Variants in MCF2L observed in about 807,000 individuals in gnomAD.
The protein encoded by MCF2L is MCF.2 cell line derived transforming sequence like.
In MCF2L, 97 loss-of-function variants were observed where a neutral mutation model predicts 153.4. The ratio of observed to expected loss-of-function variants is 0.63; its 90% CI spans 0.54 to 0.75. The LOEUF is 0.75. MCF2L is among the 30% of genes least tolerant of loss of function. The pLI is 0.00. For synonymous variants in MCF2L, 659 were observed against 632.2 expected (o/e 1.04, Z -0.64); for missense variants, 1,347 against 1,495.2 (o/e 0.90, Z 1.64).
At chr13:112,995,249 ATGGGGATG>A (rs1394852248) in intron 1 of MCF2L, among the ~76,000 whole-genome samples, 1 of 152,204 alleles carries the variant, frequency 6.6e-6, no homozygotes, top group East Asian at 1.9e-4. Context: ...AGCCAGCAGA[ATGGGGATG>A]TAGACCGGGG....
chr13:112,935,255 A>G (rs1292203749), intron 2 of MCF2L, among the ~76,000 whole-genome samples: 7 of 152,120 alleles, frequency 4.6e-5, no homozygotes, highest in Non-Finnish European at 5.9e-5. Context: ...ATTACATGAG[A>G]TATTCCATAC....
chr13:113,038,021 T>C (rs963700942), intron 3 of MCF2L, among the ~76,000 whole-genome samples: 6 of 152,330 alleles, frequency 3.9e-5, no homozygotes, highest in African/African-American at 1.4e-4. Flanking sequence ...TGTATTTTAG[T>C]ATTTTTATAT....
At chr13:112,897,061 A>C (rs2081074631) in intron 1 of MCF2L, among the ~76,000 whole-genome samples, 1 of 152,074 alleles carries the variant, frequency 6.6e-6, no homozygotes, top group Non-Finnish European at 1.5e-5. Flanking sequence ...CGGGTGGCAG[A>C]GTCTTTAGTG....
chr13:113,065,045 C>T lies in MCF2L; in HGVS notation c.716C>T (p.Ser239Leu). 1.9e-6 allele frequency: 3 copies of T among 1,611,246 alleles called. No homozygotes were observed. Among genetic ancestry groups the T allele is most frequent in the Non-Finnish European group, 2.5e-6 (3 of 1,179,844 alleles). Residue 239 changes from serine (S) to leucine (L), a missense_variant, in exon 7 of 30, where the codon TCA (serine) becomes TTA (leucine). By Grantham distance (145) the Ser-to-Leu change is moderately radical. Coordinates refer to ENST00000535094, the MANE Select transcript of MCF2L (RefSeq NM_001112732.3). ...CCCAATGACGTCCAGTCGACAAGCTCAGTGCTGTGTGCGCACACAGAGAAG... is the reference window on the plus strand; with the variant it reads ...CCCAATGACGTCCAGTCGACAAGCTTAGTGCTGTGTGCGCACACAGAGAAG... ...ELPNDVQSTS[S>L]VLCAHTEKKD...
chr13:112,935,554 A>AC (rs2081506636), intron 2 of MCF2L, among the ~76,000 whole-genome samples: 1 of 151,882 alleles, frequency 6.6e-6, no homozygotes, highest in South Asian at 2.1e-4. Context: ...ACCACACCCG[A>AC]CCCCATACTT....
intron 2 of MCF2L, among the ~76,000 whole-genome samples, chr13:112,911,160 G>A (rs2081227664): frequency 1.3e-5 from 2 of 152,212 alleles, no homozygotes; most frequent in South Asian, 4.1e-4. Context: ...CGAATGCCAA[G>A]GCCCCCTCAG....
At position 113,064,863 on chromosome 13, in the gene MCF2L, G is replaced by C. The variant is rs2032114817; in HGVS notation, c.607-73G>C. 6.5e-7 allele frequency: 1 copy of C among 1,532,896 alleles called. No homozygotes were observed. The highest frequency in any genetic ancestry group is 8.9e-7 in the Non-Finnish European group (1 of 1,129,760). 95.0% of individuals were successfully genotyped at this position (1,532,896 alleles called of 1,614,324 possible). Reference sequence around the variant, plus strand: ...GTCTGTGTGGGAACGGTTTCCGCCGGTGTCTGCTTTCAGGGCAGCAGGAGG... The same window carrying C: ...GTCTGTGTGGGAACGGTTTCCGCCGCTGTCTGCTTTCAGGGCAGCAGGAGG... On this transcript the variant is annotated intron_variant, in intron 6 of 29. Transcript: ENST00000535094. The surrounding 1 kb of genome is among the most constrained non-coding windows in gnomAD (Gnocchi z 6.0).
chr13:113,049,743 C>T (rs541594499), intron 4 of MCF2L, among the ~76,000 whole-genome samples: 9 of 152,320 alleles, frequency 5.9e-5, no homozygotes, highest in African/African-American at 2.2e-4. Flanking sequence ...TGCCTCCAAG[C>T]GCTCGGCCAC....
rs761962831 is a variant in MCF2L at position 113,044,617 on chromosome 13, C to T, written c.279-654C>T. On this transcript the variant is annotated intron_variant, in intron 3 of 29. Transcript: ENST00000535094. Reference sequence around the variant, plus strand: ...TTGGCTTGGCTGCAGAGTGAGCCCACGGAAGAGGGCTCTCCGCACCGACTC... The same window carrying T: ...TTGGCTTGGCTGCAGAGTGAGCCCATGGAAGAGGGCTCTCCGCACCGACTC... 8.2e-6 allele frequency: 13 copies of T among 1,582,094 alleles called. No individual in the cohort carries two copies. In the African/African-American group the frequency reaches 9.4e-5, roughly 11 times the overall value.
At chr13:112,926,505 T>G (rs1236966301) in intron 2 of MCF2L, among the ~76,000 whole-genome samples, 1 of 152,060 alleles carries the variant, frequency 6.6e-6, no homozygotes, top group Non-Finnish European at 1.5e-5. Context: ...CTGGTCTACA[T>G]GCACAGCGGA....
chr13:113,087,707 A>T lies in MCF2L; in HGVS notation c.2596A>T (p.Met866Leu). 1 of 1,613,660 alleles carries T rather than the reference A, an allele frequency of 6.2e-7. No individual in the cohort carries two copies. Among genetic ancestry groups the T allele is most frequent in the Non-Finnish European group, 8.5e-7 (1 of 1,179,716 alleles). Residue 866 changes from methionine to leucine, a missense_variant and splice_region_variant, in exon 23 of 30, where the codon ATG becomes TTG. Coordinates refer to ENST00000535094, the MANE Select transcript of MCF2L (RefSeq NM_001112732.3). ...CCCCATCTCCACTCTCTGCTCGCAG[A>T]TGGCTGCCGTTGGCATTACGGAGAA... ...PSYSYKQSLNMAAVGITENVK... is the reference protein window; with the variant it reads ...PSYSYKQSLNLAAVGITENVK...
chr13:112,902,835 G>C (rs891576705), intron 2 of MCF2L, among the ~76,000 whole-genome samples: 1 of 152,202 alleles, frequency 6.6e-6, no homozygotes, highest in Non-Finnish European at 1.5e-5. Context: ...CTGCCTGGGC[G>C]TCTGGAATTG....
intron 1 of MCF2L, among the ~76,000 whole-genome samples, chr13:112,974,251 G>T (rs975389620): frequency 1.3e-5 from 2 of 152,126 alleles, no homozygotes; most frequent in African/African-American, 2.4e-5. Context: ...CACCAGTTCC[G>T]CAAAGGCACC....
upstream of MCF2L, among the ~76,000 whole-genome samples, chr13:112,968,142 T>TGGCG (rs1555355445): frequency 3.4e-5 from 2 of 59,450 alleles, 1 homozygote; most frequent in Non-Finnish European, 7.4e-5. Context: ...GGGAGTGAGG[T>TGGCG]GGGGGGGGGG....
intron 15 of MCF2L, among the ~76,000 whole-genome samples, chr13:113,079,796 T>A (rs1594960887): frequency 6.8e-6 from 1 of 147,802 alleles, no homozygotes; most frequent in Non-Finnish European, 1.5e-5. Context: ...CGGAGGAGGG[T>A]CCAGGCAGAG....
At position 113,070,238 on chromosome 13, in the gene MCF2L, C is replaced by T; in HGVS notation, c.996+65C>T. The T allele has an allele frequency of 8.7e-7, 1 of 1,153,032 alleles. No homozygotes were observed. Among genetic ancestry groups the T allele is most frequent in the African/African-American group, 1.6e-5 (1 of 62,466 alleles). The allele number at this position is 1,153,032 out of a possible 1,614,324, so 71.4% of individuals were successfully genotyped here. A position where few individuals can be genotyped will look rare whatever the true frequency, so the allele number is the denominator to read the frequency against. Reference sequence around the variant, plus strand: ...TCACGGGGCCTCCTGTGCCTGCGCCCTGGTCCCAGTGCCGGGAGCTGAGCC... The same window carrying T: ...TCACGGGGCCTCCTGTGCCTGCGCCTTGGTCCCAGTGCCGGGAGCTGAGCC... On this transcript the variant is annotated intron_variant, in intron 9 of 29. Coordinates refer to ENST00000535094, the MANE Select transcript of MCF2L (RefSeq NM_001112732.3). The surrounding 1 kb of genome is among the most constrained non-coding windows in gnomAD (Gnocchi z 5.6).
chr13:112,916,987 C>T (rs907671337), intron 2 of MCF2L: 3 of 446,690 alleles, frequency 6.7e-6, no homozygotes, highest in Non-Finnish European at 9.3e-6. Context: ...GTCCCCATCC[C>T]TCTTCCCACT....
chr13:112,979,137 A>G (rs1168942839), intron 1 of MCF2L, among the ~76,000 whole-genome samples: 1 of 152,088 alleles, frequency 6.6e-6, no homozygotes, highest in Non-Finnish European at 1.5e-5. Flanking sequence ...CAGGCGTGGA[A>G]CTTCCCACTT....
chr13:112,919,258 T>G (rs2081328856), intron 2 of MCF2L, among the ~76,000 whole-genome samples: 2 of 136,686 alleles, frequency 1.5e-5, no homozygotes, highest in Admixed American at 8.2e-5. Flanking sequence ...CAGGCTGGAG[T>G]GCAGTGGCGG....
Sources: gnomAD v4.1 joint callset for allele counts (sites outside exome capture counted in the v4.1 genomes callset) on GRCh38, gnomAD v4.1.1 for gene constraint, Gnocchi (gnomAD v3.1) non-coding constraint, MANE v1.5 for transcripts, NCBI Gene and HGNC (gene_info 2026-07-23, HGNC 2026-07-21) for gene names.